Variants in SYNPO2 observed in about 807,000 individuals in gnomAD.
The protein encoded by SYNPO2 is synaptopodin-2.
Under a neutral mutation model 85.0 loss-of-function variants are expected in SYNPO2, and 56 were observed. The ratio of observed to expected loss-of-function variants is 0.66; its 90% CI spans 0.53 to 0.82. The LOEUF is 0.82. SYNPO2 is among the 40% of genes least tolerant of loss of function. SYNPO2 has a pLI of 0.00. For missense variants in SYNPO2, 1,575 were observed against 1,534.2 expected (o/e 1.03, Z -0.44); for synonymous variants, 602 against 591.1 (o/e 1.02, Z -0.27).
At chr4:118,900,789 A>C (rs1256359270) in intron 1 of SYNPO2, among the ~76,000 whole-genome samples, 3 of 146,010 alleles carry the variant, frequency 2.1e-5, no homozygotes, top group East Asian at 2.0e-4. Flanking sequence ...CTATCTATAG[A>C]TATTTGTCAG....
At chr4:118,916,372 C>T (rs1459651604) in intron 1 of SYNPO2, among the ~76,000 whole-genome samples, 1 of 151,758 alleles carries the variant, frequency 6.6e-6, no homozygotes, top group African/African-American at 2.4e-5. Flanking sequence ...GGGGTTTCAC[C>T]ATGTTGGCCA....
intron 1 of SYNPO2, among the ~76,000 whole-genome samples, chr4:118,865,996 G>A (rs1398510611): frequency 1.3e-5 from 2 of 152,154 alleles, no homozygotes; most frequent in African/African-American, 2.4e-5. Flanking sequence ...CACTTCATGT[G>A]TAGAATTTAA....
chr4:118,857,936 G>C (rs1012493108), intron 1 of SYNPO2, among the ~76,000 whole-genome samples: 2 of 152,212 alleles, frequency 1.3e-5, no homozygotes, highest in Non-Finnish European at 2.9e-5. Context: ...TGTTAGTCAT[G>C]CCTTGTTTAC....
Position 119,030,102 on chromosome 4 carries a change from T to A in SYNPO2, c.1327T>A (p.Ser443Thr). 1 of 1,614,036 alleles carries A rather than the reference T, an allele frequency of 6.2e-7. No individual in the cohort carries two copies. The highest frequency in any genetic ancestry group is 8.5e-7 in the Non-Finnish European group (1 of 1,180,010). Reference sequence around the variant, plus strand: ...AGTAGCATTTCTTGGTGCAAGCGAATCAGAGGTGGATGAAGAGTTATTGTC... The same window carrying A: ...AGTAGCATTTCTTGGTGCAAGCGAAACAGAGGTGGATGAAGAGTTATTGTC... ...CEVAFLGASE[S>T]EVDEELLSDV... is the part of the protein sequence containing the mutation. The change falls in exon 4 of 5, where the codon TCA becomes ACA. Residue 443 changes from serine (S) to threonine (T), a missense_variant. Ser to Thr is a moderately conservative substitution (Grantham distance 58). Transcript: ENST00000307142.
chr4:118,999,255 C>T (rs891640882), intron 1 of SYNPO2, among the ~76,000 whole-genome samples: 8 of 152,082 alleles, frequency 5.3e-5, no homozygotes, highest in African/African-American at 1.9e-4. Context: ...ATCAGGTGAT[C>T]CTCTCACCTC....
intron 1 of SYNPO2, among the ~76,000 whole-genome samples, chr4:118,915,786 T>C (rs957666058): frequency 6.6e-6 from 1 of 152,180 alleles, no homozygotes; most frequent in Non-Finnish European, 1.5e-5. Flanking sequence ...TGATTTTACA[T>C]TTCCACCAAC....
At chr4:118,930,917 CAAA>C (rs55944813) in intron 1 of SYNPO2, among the ~76,000 whole-genome samples, 2,797 of 124,692 alleles carry the variant, frequency 0.022, 29 homozygotes, top group Middle Eastern at 0.036. Context: ...TACCTTGCCT[CAAA>C]AAAAAAAAAA....
intron 1 of SYNPO2, among the ~76,000 whole-genome samples, chr4:118,912,180 G>A (rs1222003795): frequency 6.6e-6 from 1 of 152,130 alleles, no homozygotes; most frequent in Non-Finnish European, 1.5e-5. Flanking sequence ...ATTAAACAAA[G>A]AAATTTGTTT....
At chr4:118,908,156 G>C (rs1364958640) in intron 1 of SYNPO2, among the ~76,000 whole-genome samples, 1 of 152,094 alleles carries the variant, frequency 6.6e-6, no homozygotes, top group East Asian at 1.9e-4. Flanking sequence ...ATTCCTAAAT[G>C]TGGAGTTGCT....
At chr4:118,861,834 T>A (rs1318501797) in intron 1 of SYNPO2, among the ~76,000 whole-genome samples, 1 of 152,200 alleles carries the variant, frequency 6.6e-6, no homozygotes, top group Non-Finnish European at 1.5e-5. Context: ...GGGTCTTTTG[T>A]GGTTCCATAT....
chr4:118,952,447 T>C (rs1734733895), intron 1 of SYNPO2, among the ~76,000 whole-genome samples: 1 of 152,124 alleles, frequency 6.6e-6, no homozygotes, highest in South Asian at 2.1e-4. Context: ...TTGTTACATA[T>C]GTATATATGT....
intron 1 of SYNPO2, among the ~76,000 whole-genome samples, chr4:119,012,393 T>TTTTTTTTTTTTA (rs1553946399): frequency 9.9e-5 from 13 of 130,816 alleles, no homozygotes; most frequent in East Asian, 4.3e-4. Context: ...TTTTTTTTTT[T>TTTTTTTTTTTTA]ATTTTACTTT....
At chr4:118,868,277 A>G (rs780194127) in intron 1 of SYNPO2, among the ~76,000 whole-genome samples, 3 of 152,152 alleles carry the variant, frequency 2.0e-5, no homozygotes, top group African/African-American at 2.4e-5. Flanking sequence ...TTTAAAATGC[A>G]TTCATGAATG....
intron 1 of SYNPO2, among the ~76,000 whole-genome samples, chr4:118,938,069 G>A (rs192690055): frequency 1.3e-5 from 2 of 152,288 alleles, no homozygotes; most frequent in East Asian, 1.9e-4. Context: ...TTGGAAGGCC[G>A]AGGCAGGTAG....
intron 1 of SYNPO2, among the ~76,000 whole-genome samples, chr4:118,976,462 G>A (rs956666937): frequency 1.3e-5 from 2 of 152,108 alleles, no homozygotes; most frequent in Admixed American, 1.3e-4. Context: ...ACTGTGGAAG[G>A]GGACCCTAGC....
chr4:118,897,622 C>A (rs1240233581), intron 1 of SYNPO2, among the ~76,000 whole-genome samples: 1 of 152,190 alleles, frequency 6.6e-6, no homozygotes, highest in Admixed American at 6.5e-5. Flanking sequence ...AGGTGCCAGG[C>A]ACTTCTTGAA....
At chr4:119,003,945 C>T (rs1160054832) in intron 1 of SYNPO2, among the ~76,000 whole-genome samples, 1 of 152,118 alleles carries the variant, frequency 6.6e-6, no homozygotes, top group Non-Finnish European at 1.5e-5. Context: ...TCATTTCACC[C>T]CTTATTTTCC....
At chr4:118,919,840 T>C (rs967041611) in intron 1 of SYNPO2, among the ~76,000 whole-genome samples, 23 of 152,332 alleles carry the variant, frequency 1.5e-4, no homozygotes, top group African/African-American at 5.3e-4. Flanking sequence ...AGGCTCACTA[T>C]GCAGCAAACA....
In SYNPO2 at chr4:118,914,078, A is replaced by G. The variant is rs527918421; in HGVS notation, c.105+24937A>G. On this transcript the variant is annotated intron_variant, in intron 1 of 4. Transcript: ENST00000307142. ...TAGACAAATTAGAAGGATATAGGAT[A>G]TGGATGGTGGGGTCAGGAGAGGAGT... Among the ~76,000 whole-genome samples, 748 of 152,310 alleles carry G rather than the reference A, an allele frequency of 4.9e-3. 7 individuals are homozygous for G. The highest frequency in any genetic ancestry group is 0.016 in the African/African-American group (660 of 41,586).
Sources: gnomAD v4.1 joint callset for allele counts (sites outside exome capture counted in the v4.1 genomes callset) on GRCh38, gnomAD v4.1.1 for gene constraint, MANE v1.5 for transcripts, NCBI Gene and HGNC (gene_info 2026-07-23, HGNC 2026-07-21) for gene names.